The following CASZ1 variants were observed in gnomAD, a reference collection of about 807,000 sequenced individuals.
CASZ1 encodes zinc finger protein castor homolog 1.
In CASZ1, 28 loss-of-function variants were observed where a neutral mutation model predicts 135.2. That is an observed-to-expected ratio of 0.21 (90% CI 0.15 to 0.28). The LOEUF (loss-of-function observed/expected upper bound fraction) is 0.28, where lower values mean the gene tolerates loss of function less well. Among genes scored for constraint, CASZ1 ranks in the 10% least tolerant of loss-of-function variants. The pLI, the probability that CASZ1 is intolerant of heterozygous loss-of-function variation, is 1.00. For synonymous variants in CASZ1, 1,068 were observed against 1,073.4 expected (o/e 0.99, Z 0.10); for missense variants, 2,161 against 2,453.3 (o/e 0.88, Z 2.52).
intron 1 of CASZ1, 49 bp from the exon 2 acceptor site, chr1:10,760,906 C>T (rs1640360980): frequency 6.6e-6 from 1 of 152,246 alleles, no homozygotes; most frequent in South Asian, 2.1e-4. Context: ...ACAACCGACA[C>T]CCACAAACCC....
At position 10,784,572 on chromosome 1, in the gene CASZ1, T is replaced by C. The variant is rs368246391; in HGVS notation, c.-234+11992A>G. Among the ~76,000 whole-genome samples the C allele has an allele frequency of 1.8e-4, 27 of 152,328 alleles. No individual in the cohort carries two copies. In the South Asian group the frequency reaches 3.3e-3, roughly 19 times the overall value. ...AAGAGCTATTTTGTTTTGTTTTGTT[T>C]TGTTTTTTTGAGAGCGAGTCTCGCT... is the stretch of plus-strand genomic sequence containing the variant. On this transcript the variant is annotated intron_variant, in intron 1 of 20. Coordinates refer to ENST00000377022, the MANE Select transcript of CASZ1 (RefSeq NM_001079843.3).
rs150441949 is a variant in CASZ1 at position 10,722,664 on chromosome 1, C to T, written c.-76-17120G>A. Among the ~76,000 whole-genome samples the T allele has an allele frequency of 5.9e-4, 90 of 152,356 alleles. 3 individuals are homozygous for T. The highest frequency in any genetic ancestry group is 1.9e-3 in the African/African-American group (80 of 41,578). ...GGCAGGTATCCAGTGAGCACCAATT[C>T]GGACTGGCCCAGGGCTCCATGTCTG... is the stretch of plus-strand genomic sequence containing the variant. On this transcript the variant is annotated intron_variant, in intron 2 of 20. Transcript: ENST00000377022.
intron 2 of CASZ1, among the ~76,000 whole-genome samples, chr1:10,718,911 T>G (rs1190304224): frequency 6.6e-6 from 1 of 152,238 alleles, no homozygotes; most frequent in Admixed American, 6.5e-5. Context: ...TCTTGCTCTG[T>G]TGCCCAGGCT....
In CASZ1 at chr1:10,639,728, T is replaced by C. The variant is rs762927934; in HGVS notation, c.4494A>G (p.Ser1498=). The C allele has an allele frequency of 6.3e-7, 1 of 1,592,190 alleles. No individual in the cohort carries two copies. Among genetic ancestry groups the C allele is most frequent in the Non-Finnish European group, 8.5e-7 (1 of 1,170,356 alleles). The change falls in exon 21 of 21, where the codon TCA becomes TCG. Residue 1498 remains serine, a synonymous_variant. Coordinates refer to ENST00000377022, the MANE Select transcript of CASZ1 (RefSeq NM_001079843.3). The surrounding 1 kb of genome is among the most constrained non-coding windows in gnomAD (Gnocchi z 4.0). ...GGCAGTCGGCGAAGTGGCAGCTGAG[T>C]GAGGCCTTGAAGCGCTTGAAGTCGT... ...VLDDFKRFKA[S]LSCHFADCPF...
At position 10,665,216 on chromosome 1, in the gene CASZ1, C is replaced by T. The variant is rs767580734; in HGVS notation, c.372G>A (p.Val124=). ...CCTCATCGCTGCACCCCTGGGGCTG[C>T]ACCATGTAGACACCCTCGGGAGGCA... ...LELPPEGVYM[V]QPQGCSDEED... Residue 124 remains valine (V), a synonymous_variant, in exon 5 of 21, where the codon GTG becomes GTA. Coordinates refer to ENST00000377022, the MANE Select transcript of CASZ1 (RefSeq NM_001079843.3). The T allele has an allele frequency of 6.3e-6, 10 of 1,593,570 alleles. No individual in the cohort carries two copies. The highest frequency in any genetic ancestry group is 8.6e-6 in the Non-Finnish European group (10 of 1,168,068).
Position 10,660,445 on chromosome 1 carries a change from C to T in CASZ1, c.597G>A (p.Glu199=). ...FGYDDQNTRD[E]LARKISFEKL... is the part of the protein sequence containing the mutation. ...TCTCAAAGCTGATCTTCCTGGCCAG[C>T]TCGTCCCGCGTGTTCTGGTCATCAT... is the stretch of plus-strand genomic sequence containing the variant. The change falls in exon 6 of 21, where the codon GAG becomes GAA. Residue 199 remains glutamate (E), a synonymous_variant. Transcript: ENST00000377022. The T allele has an allele frequency of 6.2e-7, 1 of 1,614,154 alleles. No homozygotes were observed.
At chr1:10,751,760 G>C (rs540889190) in intron 2 of CASZ1, among the ~76,000 whole-genome samples, 5 of 152,152 alleles carry the variant, frequency 3.3e-5, no homozygotes, top group African/African-American at 1.2e-4. Context: ...GCCGGGAAAG[G>C]CTGGGAGGAG....
chr1:10,671,325 C>T (rs140087758), intron 4 of CASZ1, among the ~76,000 whole-genome samples: 234 of 152,336 alleles, frequency 1.5e-3, no homozygotes, highest in South Asian at 3.1e-3. Flanking sequence ...CATGCCTGTG[C>T]GCGCGCACAC....
intron 1 of CASZ1, among the ~76,000 whole-genome samples, chr1:10,784,861 T>C (rs1422828016): frequency 6.6e-6 from 1 of 152,114 alleles, no homozygotes. Flanking sequence ...CCACCGCACC[T>C]GGCCCCAAGA....
In CASZ1 at chr1:10,725,282, G is replaced by A. The variant is rs1639576526; in HGVS notation, c.-76-19738C>T. Among the ~76,000 whole-genome samples, 1 of 152,210 alleles carries A rather than the reference G, an allele frequency of 6.6e-6. No homozygotes were observed. The highest frequency in any genetic ancestry group is 1.5e-5 in the Non-Finnish European group (1 of 68,028). On this transcript the variant is annotated intron_variant, in intron 2 of 20. Coordinates refer to ENST00000377022, the MANE Select transcript of CASZ1 (RefSeq NM_001079843.3). This position sits in a 1 kb window ranked among gnomAD's most constrained non-coding sequence, Gnocchi z 4.4. ...CAGGCGTCTGCCAGGCCCCTCCACC[G>A]TGCCAATGCCAACACCGTGGCCGCC...
At chr1:10,650,661 G>GA in intron 13 of CASZ1, 31 bp downstream of exon 13, 2 of 1,580,442 alleles carry the variant, frequency 1.3e-6, no homozygotes, top group Non-Finnish European at 1.7e-6. Flanking sequence ...CTGGGTGGGG[G>GA]AACGGGAGGC....
At chr1:10,753,006 C>T (rs1640177753) in intron 2 of CASZ1, among the ~76,000 whole-genome samples, 1 of 152,186 alleles carries the variant, frequency 6.6e-6, no homozygotes, top group South Asian at 2.1e-4. Flanking sequence ...CATTGCACTC[C>T]AGCCTGGGCA....
chr1:10,733,324 G>C (rs961456171), intron 2 of CASZ1, among the ~76,000 whole-genome samples: 42 of 152,284 alleles, frequency 2.8e-4, no homozygotes, highest in African/African-American at 8.9e-4. Flanking sequence ...AGGCTCTGTG[G>C]CCTCTGCTGA....
At chr1:10,786,729 A>T (rs1034462568) in intron 1 of CASZ1, among the ~76,000 whole-genome samples, 5 of 152,106 alleles carry the variant, frequency 3.3e-5, no homozygotes, top group African/African-American at 1.2e-4. Context: ...AGAATGCACC[A>T]TCTACACTAT....
intron 9 of CASZ1, 75 bp from the exon 10 acceptor site, chr1:10,654,666 G>C: frequency 7.0e-7 from 1 of 1,437,530 alleles, no homozygotes; most frequent in East Asian, 2.3e-5. Context: ...CACTGTGTGT[G>C]GCTGGGGCCA....
intron 20 of CASZ1, among the ~76,000 whole-genome samples, 155 bp downstream of exon 20, chr1:10,642,704 T>A (rs957417569): frequency 6.6e-6 from 1 of 152,228 alleles, no homozygotes; most frequent in African/African-American, 2.4e-5. Context: ...GGGGCCTCGA[T>A]GACCCAGTCC....
chr1:10,650,413 G>A (rs1486788220), intron 13 of CASZ1: 7 of 299,340 alleles, frequency 2.3e-5, no homozygotes, highest in East Asian at 5.6e-5. Flanking sequence ...AGGCACGAAC[G>A]AAGTTGAAGG....
rs148498712 is a variant in CASZ1, at chr1:10,706,978, C to T, written c.-76-1434G>A. Among the ~76,000 whole-genome samples, 1,947 of 152,080 alleles carry T rather than the reference C, an allele frequency of 0.013. 18 individuals are homozygous for T. Among genetic ancestry groups the T allele is most frequent in the Non-Finnish European group, 0.018 (1,197 of 67,954 alleles). ...GAGAGGAGAGGATGGAGGAGGAGGC[C>T]GGCAGGGAGGGTCACAGGGTCCGGG... On this transcript the variant is annotated intron_variant, in intron 2 of 20. Transcript: ENST00000377022. This position sits in a 1 kb window ranked among gnomAD's most constrained non-coding sequence, Gnocchi z 4.3.
At chr1:10,691,096 CCTCT>C (rs1254446353) in intron 4 of CASZ1, among the ~76,000 whole-genome samples, 4 of 127,610 alleles carry the variant, frequency 3.1e-5, no homozygotes, top group African/African-American at 2.7e-5. Context: ...TCCCTCCCTC[CCTCT>C]CTTTCCTTTT....
Sources: allele counts gnomAD v4.1 joint callset (sites outside exome capture counted in the v4.1 genomes callset), GRCh38; gene constraint gnomAD v4.1.1; non-coding constraint Gnocchi (gnomAD v3.1); transcripts MANE v1.5; gene names NCBI Gene and HGNC (gene_info 2026-07-23, HGNC 2026-07-21).